SEC23IP: variants seen among roughly 807,000 people sequenced by gnomAD.
SEC23IP encodes the protein SEC23 interacting protein, also known as SEC23-interacting protein.
A neutral mutation model predicts 113.4 loss-of-function variants in SEC23IP; 70 were observed. The observed-to-expected ratio is 0.62, with a 90% CI of 0.51 to 0.75. SEC23IP has a LOEUF of 0.75. Among genes scored for constraint, SEC23IP ranks in the 30% least tolerant of loss-of-function variants. The pLI is 0.00. For missense variants in SEC23IP, 1,160 were observed against 1,204.9 expected (o/e 0.96, Z 0.55); for synonymous variants, 398 against 421.0 (o/e 0.95, Z 0.67).
rs1008214672 is a variant in SEC23IP, at chr10:119,911,294, AT to A, written c.1192-740del. Among the ~76,000 whole-genome samples, 41 of 146,248 alleles carry A rather than the reference AT, an allele frequency of 2.8e-4. 1 individual carries two copies. The East Asian group carries it at 6.4e-3, about 23-fold the overall frequency. On this transcript the variant is annotated intron_variant, in intron 5 of 18. Coordinates refer to ENST00000369075, the MANE Select transcript of SEC23IP (RefSeq NM_007190.4). ...TTTTTGTTTTTATTTTATTATTATT[AT>A]TTTTTTTTTGTAGAGACAGGGTCTC...
chr10:119,919,819 G>A (rs72826463), intron 11 of SEC23IP, among the ~76,000 whole-genome samples: 16,409 of 152,122 alleles, frequency 0.11, 928 homozygotes, highest in South Asian at 0.17. Context: ...TTGTATAACA[G>A]TAGACACCAT....
At chr10:119,907,420 A>T (rs1490707167) in intron 4 of SEC23IP, among the ~76,000 whole-genome samples, 1 of 152,160 alleles carries the variant, frequency 6.6e-6, no homozygotes, top group East Asian at 1.9e-4. Flanking sequence ...TACTAGTTTT[A>T]AAAAAAAGAC....
Position 119,914,727 on chromosome 10 carries a change from T to C in SEC23IP, c.1313-3T>C. ...ATGTAGGTTTAAAAATTTTTTTTGA[T>C]AGGGGAGATGCCTCAAGTTGACCAT... On this transcript the variant is annotated splice_region_variant and splice_polypyrimidine_tract_variant and intron_variant, in intron 6 of 18. Transcript: ENST00000369075. 2 of 1,613,210 alleles carry C rather than the reference T, an allele frequency of 1.2e-6. No homozygotes were observed. The highest frequency in any genetic ancestry group is 2.2e-5 in the East Asian group (1 of 44,878).
intron 15 of SEC23IP, among the ~76,000 whole-genome samples, chr10:119,931,844 G>A (rs774831265): frequency 6.6e-6 from 1 of 150,682 alleles, no homozygotes; most frequent in African/African-American, 2.4e-5. Flanking sequence ...GAGACACCGC[G>A]CCTGAATGTG....
intron 17 of SEC23IP, among the ~76,000 whole-genome samples, 200 bp downstream of exon 17, chr10:119,933,367 C>T (rs562762259): frequency 6.6e-6 from 1 of 152,288 alleles, no homozygotes; most frequent in African/African-American, 2.4e-5. Flanking sequence ...ACCAAAGACC[C>T]TTGGTTCTTG....
At chr10:119,896,427 G>GGGA (rs1326402262) in intron 1 of SEC23IP, among the ~76,000 whole-genome samples, 3 of 152,232 alleles carry the variant, frequency 2.0e-5, no homozygotes, top group African/African-American at 7.2e-5. Flanking sequence ...ATACAGAAAA[G>GGGA]GGAGCATGGA....
intron 17 of SEC23IP, 53 bp downstream of exon 17, chr10:119,933,220 T>C: frequency 6.8e-7 from 1 of 1,475,900 alleles, no homozygotes; most frequent in Middle Eastern, 1.8e-4. Context: ...TGCTAGCACG[T>C]GCAGCAATTT....
intron 18 of SEC23IP, among the ~76,000 whole-genome samples, chr10:119,939,853 G>A (rs1450058461): frequency 2.0e-5 from 3 of 151,912 alleles, no homozygotes; most frequent in Non-Finnish European, 2.9e-5. Flanking sequence ...GCACCACCAC[G>A]TCTGGCTAAT....
At position 119,915,817 on chromosome 10, in the gene SEC23IP, A is replaced by G; in HGVS notation, c.1472A>G (p.Lys491Arg). ...TTCAAGAAATCTTTAGATGACGGGA[A>G]AGTAAGCAGAGTGGAGTTCCTTCCA... Reference protein sequence around the residue: ...THFKKSLDDGKVSRVEFLPVH... With the variant: ...THFKKSLDDGRVSRVEFLPVH... The change falls in exon 8 of 19, where the codon AAA (lysine) becomes AGA (arginine). Residue 491 changes from lysine to arginine, a missense_variant. Lys to Arg is a conservative substitution (Grantham distance 26). Coordinates refer to ENST00000369075, the MANE Select transcript of SEC23IP (RefSeq NM_007190.4). The G allele has an allele frequency of 3.7e-6, 6 of 1,605,412 alleles. No homozygotes were observed. The highest frequency in any genetic ancestry group is 5.1e-6 in the Non-Finnish European group (6 of 1,175,132).
intron 12 of SEC23IP, among the ~76,000 whole-genome samples, chr10:119,923,633 CT>C (rs1270944354): frequency 2.6e-5 from 4 of 151,528 alleles, no homozygotes; most frequent in Admixed American, 2.6e-4. Context: ...ACTGCAACCT[CT>C]GCCTCCCAGG....
chr10:119,893,077 A>C, intron 1 of SEC23IP, 132 bp downstream of exon 1: 7 of 991,438 alleles, frequency 7.1e-6, no homozygotes, highest in Non-Finnish European at 1.0e-5. Flanking sequence ...ATTACTGGCC[A>C]GGTTTGAGTG....
At chr10:119,917,207 AT>A (rs1235019282) in intron 8 of SEC23IP, among the ~76,000 whole-genome samples, 4 of 146,662 alleles carry the variant, frequency 2.7e-5, no homozygotes, top group East Asian at 2.0e-4. Flanking sequence ...TATACTTTTA[AT>A]TTTTTTTTTG....
intron 13 of SEC23IP, among the ~76,000 whole-genome samples, chr10:119,928,614 C>G (rs1048850443): frequency 6.6e-6 from 1 of 152,246 alleles, no homozygotes; most frequent in Admixed American, 6.5e-5. Context: ...TTGCCTCCCT[C>G]TTTCTATGGA....
chr10:119,931,373 T>C (rs1477632248), intron 15 of SEC23IP, among the ~76,000 whole-genome samples: 3 of 150,662 alleles, frequency 2.0e-5, no homozygotes, highest in Non-Finnish European at 4.4e-5. Flanking sequence ...TTTTATTTTT[T>C]ATTTTAAATA....
chr10:119,937,500 C>T (rs188930367), intron 18 of SEC23IP, among the ~76,000 whole-genome samples: 1 of 151,950 alleles, frequency 6.6e-6, no homozygotes, highest in Admixed American at 6.5e-5. Flanking sequence ...GTGGCTGGCA[C>T]CTATAATCCC....
rs1180580268 is a variant in SEC23IP at position 119,904,079 on chromosome 10, T to C, written c.908-5T>C. 2 of 1,613,214 alleles carry C rather than the reference T, an allele frequency of 1.2e-6. No homozygotes were observed. Among genetic ancestry groups the C allele is most frequent in the East Asian group, 4.5e-5 (2 of 44,856 alleles). ...GTTAGGAAAAGTGTTAATTTTGTTC[T>C]CTAGTTCAGCCAGATCCGGAGAGCG... On this transcript the variant is annotated splice_polypyrimidine_tract_variant and splice_region_variant and intron_variant, in intron 3 of 18. Transcript: ENST00000369075.
chr10:119,924,930 A>G (rs1038305773), intron 12 of SEC23IP, among the ~76,000 whole-genome samples: 3 of 151,990 alleles, frequency 2.0e-5, no homozygotes, highest in African/African-American at 7.2e-5. Context: ...GGCATGCACC[A>G]CCATGCCCAG....
chr10:119,910,541 A>G (rs1039376032), intron 5 of SEC23IP, among the ~76,000 whole-genome samples: 3 of 152,202 alleles, frequency 2.0e-5, no homozygotes, highest in Non-Finnish European at 2.9e-5. Flanking sequence ...AACTACTTCT[A>G]TAGTCCTTAT....
chr10:119,941,471 G>C lies in SEC23IP; in HGVS notation c.*906G>C, dbSNP rs1183340932. On this transcript the variant is annotated 3_prime_UTR_variant, in exon 19 of 19. Coordinates refer to ENST00000369075, the MANE Select transcript of SEC23IP (RefSeq NM_007190.4). ...GTTATATAAGGCTACTTCATGACAA[G>C]ACTGCTTTGTAATATTTCACTTTGT... The C allele has an allele frequency of 6.6e-6, 1 of 152,216 alleles. No individual in the cohort carries two copies. 9.4% of individuals were successfully genotyped at this position (152,216 alleles called of 1,614,324 possible).
Sources: allele counts gnomAD v4.1 joint callset (sites outside exome capture counted in the v4.1 genomes callset), GRCh38; gene constraint gnomAD v4.1.1; transcripts MANE v1.5; gene names NCBI Gene and HGNC (gene_info 2026-07-23, HGNC 2026-07-21).